The following WNT16 variants were observed in gnomAD, a reference collection of about 807,000 sequenced individuals.
The protein encoded by WNT16 is Wnt family member 16.
In WNT16, 20 loss-of-function variants were observed where a neutral mutation model predicts 35.4. That is an observed-to-expected ratio of 0.56 (90% CI 0.40 to 0.82). The LOEUF (loss-of-function observed/expected upper bound fraction) is 0.82, where lower values mean the gene tolerates loss of function less well. Among genes scored for constraint, WNT16 ranks in the 40% least tolerant of loss-of-function variants. WNT16 has a pLI of 0.00. For missense variants in WNT16, 461 were observed against 466.0 expected (o/e 0.99, Z 0.10); for synonymous variants, 180 against 179.2 (o/e 1.00, Z -0.03).
At chr7:121,335,646 T>C (rs1404692716) in intron 3 of WNT16, among the ~76,000 whole-genome samples, 6 of 152,098 alleles carry the variant, frequency 3.9e-5, no homozygotes, top group Non-Finnish European at 2.9e-5. Flanking sequence ...CTATTTAACA[T>C]TAATTAAGAA....
Position 121,339,012 on chromosome 7 carries a change from C to G in WNT16, c.765C>G (p.Asn255Lys), listed in dbSNP as rs773071078. 1 of 1,614,094 alleles carries G rather than the reference C, an allele frequency of 6.2e-7. No homozygotes were observed. The highest frequency in any genetic ancestry group is 8.5e-7 in the Non-Finnish European group (1 of 1,180,008). Residue 255 changes from asparagine to lysine, a missense_variant, in exon 4 of 4, where the codon AAC becomes AAG. By Grantham distance (94) the Asn-to-Lys change is moderately conservative (BLOSUM62 0). Coordinates refer to ENST00000222462, the MANE Select transcript of WNT16 (RefSeq NM_057168.2). The stretch of plus-strand genomic sequence containing the variant: ...ATTTGTTGAAGGATAAATATGAAAA[C>G]AGTATCCAGATATCAGACAAAACAA... ...IGHLLKDKYE[N>K]SIQISDKTKR...
chr7:121,336,224 ATATATATGTGTG>A (rs1400271855), intron 3 of WNT16, among the ~76,000 whole-genome samples: 4 of 151,934 alleles, frequency 2.6e-5, no homozygotes, highest in African/African-American at 9.7e-5. Flanking sequence ...ATATATATGC[ATATATATGTGTG>A]TATATATGCC....
upstream of WNT16, among the ~76,000 whole-genome samples, chr7:121,327,491 C>T (rs1457012364): frequency 6.6e-6 from 1 of 151,606 alleles, no homozygotes; most frequent in East Asian, 2.0e-4. Flanking sequence ...GCTGGGATTA[C>T]AGGCATGCAC....
rs2116845213 is a variant in WNT16, at chr7:121,339,545, G to A, written c.*200G>A. The A allele has an allele frequency of 1.8e-6, 1 of 543,038 alleles. No individual in the cohort carries two copies. Among genetic ancestry groups the A allele is most frequent in the Non-Finnish European group, 3.3e-6 (1 of 307,690 alleles). The allele number at this position is 543,038 out of a possible 1,614,324, so 33.6% of individuals were successfully genotyped here. On this transcript the variant is annotated 3_prime_UTR_variant, in exon 4 of 4. Transcript: ENST00000222462. ...CCCATCAATCATGTGGATTTCTTGG[G>A]ATTCTAATGTTGAAAAGGTTTATAT...
chr7:121,330,252 T>G (rs1584676124), intron 2 of WNT16, among the ~76,000 whole-genome samples: 1 of 152,198 alleles, frequency 6.6e-6, no homozygotes, highest in African/African-American at 2.4e-5. Context: ...AGTGGCTAAT[T>G]GCAGCGAAGC....
rs766004265 is a variant in WNT16 at position 121,331,750 on chromosome 7, G to T, written c.419G>T (p.Ser140Ile). ...GTGCATTCTGTGACCAGGTCATGCA[G>T]TGCAGGCAACATGACAGAGTGTTCC... ...GLVHSVTRSC[S>I]AGNMTECSCD... The change falls in exon 3 of 4, where the codon AGT becomes ATT. Residue 140 changes from serine (S) to isoleucine (I), a missense_variant. By Grantham distance (142) the Ser-to-Ile change is moderately radical. Coordinates refer to ENST00000222462, the MANE Select transcript of WNT16 (RefSeq NM_057168.2). 1 of 1,614,216 alleles carries T rather than the reference G, an allele frequency of 6.2e-7. No homozygotes were observed. Among genetic ancestry groups the T allele is most frequent in the Non-Finnish European group, 8.5e-7 (1 of 1,180,038 alleles).
Position 121,329,605 on chromosome 7 carries a change from T to C in WNT16, c.134T>C (p.Leu45Pro). The change falls in exon 2 of 4, where the codon CTG becomes CCG. Residue 45 changes from leucine to proline, a missense_variant. Transcript: ENST00000222462. The stretch of plus-strand genomic sequence containing the variant: ...GCCTCCTTCGGGGTTCCAGAGAAGC[T>C]GGGCTGCGCCAATTTGCCGCTGAAC... ...GIASFGVPEK[L>P]GCANLPLNSR... The C allele has an allele frequency of 1.2e-6, 2 of 1,614,232 alleles. No individual in the cohort carries two copies. The highest frequency in any genetic ancestry group is 1.7e-6 in the Non-Finnish European group (2 of 1,180,036).
chr7:121,329,414 T>A (rs770713570), intron 1 of WNT16, 27 bp downstream of exon 1: 2 of 1,604,156 alleles, frequency 1.2e-6, no homozygotes, highest in African/African-American at 2.7e-5. Flanking sequence ...CAGGGAAGCA[T>A]CGGGTAGGTG....
At chr7:121,336,592 AAG>A (rs1207492640) in intron 3 of WNT16, among the ~76,000 whole-genome samples, 1 of 152,204 alleles carries the variant, frequency 6.6e-6, no homozygotes, top group Non-Finnish European at 1.5e-5. Context: ...GAGGAGTTGA[AAG>A]AGAGAGCCCA....
intron 3 of WNT16, among the ~76,000 whole-genome samples, chr7:121,334,825 T>C (rs1408903418): frequency 6.6e-6 from 1 of 152,086 alleles, no homozygotes; most frequent in Admixed American, 6.5e-5. Flanking sequence ...GGAATATTTA[T>C]GGGTATTTCT....
chr7:121,333,782 T>C (rs1793391935), intron 3 of WNT16, among the ~76,000 whole-genome samples: 1 of 152,012 alleles, frequency 6.6e-6, no homozygotes. Flanking sequence ...CTTTGGCCAT[T>C]CTTTAAGTAA....
In WNT16 at chr7:121,329,038, C is replaced by T. The variant is rs553038181; in HGVS notation, c.-255C>T. 3.2e-5 allele frequency: 40 copies of T among 1,235,930 alleles called. No homozygotes were observed. The African/African-American group carries it at 5.7e-4, about 18-fold the overall frequency. 76.6% of individuals were successfully genotyped at this position (1,235,930 alleles called of 1,614,324 possible). A position where few individuals can be genotyped will look rare whatever the true frequency, so the allele number is the denominator to read the frequency against. ...CACCTAGGAATGCGAGGGGCGCTCC[C>T]GCATCTCCTGCACATCTCCACCCCT... On this transcript the variant is annotated 5_prime_UTR_variant, in exon 1 of 4. Coordinates refer to ENST00000222462, the MANE Select transcript of WNT16 (RefSeq NM_057168.2).
chr7:121,326,947 G>A (rs1793255393), upstream of WNT16, among the ~76,000 whole-genome samples: 1 of 152,108 alleles, frequency 6.6e-6, no homozygotes, highest in African/African-American at 2.4e-5. Context: ...CAGCATTTAG[G>A]CCTCTTACAT....
intron 3 of WNT16, among the ~76,000 whole-genome samples, chr7:121,338,475 T>C (rs1045521728): frequency 3.3e-5 from 5 of 152,226 alleles, no homozygotes; most frequent in Non-Finnish European, 7.3e-5. Flanking sequence ...TGCTGGTCCC[T>C]GAGCTGTATT....
chr7:121,330,209 T>C (rs1793316787), intron 2 of WNT16, among the ~76,000 whole-genome samples: 1 of 152,200 alleles, frequency 6.6e-6, no homozygotes, highest in African/African-American at 2.4e-5. Flanking sequence ...TGCTTTGATT[T>C]AACCAACTCC....
At chr7:121,330,228 C>A (rs1793317769) in intron 2 of WNT16, among the ~76,000 whole-genome samples, 1 of 152,226 alleles carries the variant, frequency 6.6e-6, no homozygotes, top group African/African-American at 2.4e-5. Context: ...CCGCTGCGCA[C>A]CAAACCCCGG....
upstream of WNT16, among the ~76,000 whole-genome samples, chr7:121,325,645 T>A (rs527292649): frequency 2.0e-5 from 3 of 150,468 alleles, no homozygotes; most frequent in African/African-American, 7.4e-5. Flanking sequence ...GGAAAAAAAA[T>A]TTTACATATA....
chr7:121,336,549 T>G (rs1320510816), intron 3 of WNT16, among the ~76,000 whole-genome samples: 1 of 152,188 alleles, frequency 6.6e-6, no homozygotes, highest in Non-Finnish European at 1.5e-5. Flanking sequence ...ATAACTTTCA[T>G]AGAGTAACAC....
At position 121,329,786 on chromosome 7, in the gene WNT16, C is replaced by A. The variant is rs1207959323; in HGVS notation, c.315C>A (p.Ala105=). The A allele has an allele frequency of 6.2e-7, 1 of 1,606,690 alleles. No homozygotes were observed. The highest frequency in any genetic ancestry group is 1.3e-5 in the African/African-American group (1 of 74,944). Residue 105 remains alanine (A), a synonymous_variant, in exon 2 of 4, where the codon GCC becomes GCA. Transcript: ENST00000222462. ...TAAATTAPMG[A]SPLFGYELSS... is the part of the protein sequence containing the mutation. ...CCGCCACTACCGCCCCGATGGGCGC[C>A]AGCCCCCTCTTTGGCTACGAGCTGA... is the stretch of plus-strand genomic sequence containing the variant.
Sources: allele counts gnomAD v4.1 joint callset (sites outside exome capture counted in the v4.1 genomes callset), GRCh38; gene constraint gnomAD v4.1.1; transcripts MANE v1.5; gene names NCBI Gene and HGNC (gene_info 2026-07-23, HGNC 2026-07-21).